Variants in ARPIN observed in about 807,000 individuals in gnomAD.
ARPIN encodes actin related protein 2/3 complex inhibitor, also known as UPF0552 protein C15orf38.
A neutral mutation model predicts 25.9 loss-of-function variants in ARPIN; 23 were observed. That is an observed-to-expected ratio of 0.89 (90% CI 0.64 to 1.26). ARPIN has a LOEUF of 1.26. Ranked by LOEUF, ARPIN falls within the 50% of genes most tolerant of loss-of-function variation. ARPIN has a pLI of 0.00. For synonymous variants in ARPIN, 126 were observed against 131.4 expected (o/e 0.96, Z 0.28); for missense variants, 333 against 312.2 (o/e 1.07, Z -0.50).
At chr15:89,905,554 C>A (rs956136407) in intron 3 of ARPIN, among the ~76,000 whole-genome samples, 1 of 152,100 alleles carries the variant, frequency 6.6e-6, no homozygotes, top group South Asian at 2.1e-4. Flanking sequence ...ACCAGAGTCA[C>A]CGGTGAGCTC....
intron 3 of ARPIN, 83 bp from the exon 4 acceptor site, chr15:89,904,066 T>C (rs1897076844): frequency 6.8e-7 from 1 of 1,476,490 alleles, no homozygotes; most frequent in East Asian, 2.4e-5. Context: ...AGGTGAGGGC[T>C]GAGTGTTTCC....
chr15:89,912,757 CG>C lies in ARPIN; in HGVS notation c.78del (p.Ala27ProfsTer15). ...GCCCAGGCCTACCCCTGGTGGGCGG[CG>C]GGGTCCCAGGCCCCTGGCAGCCGGA... is the stretch of plus-strand genomic sequence containing the variant. ...QSVRLPGAWD[P>X]AAHQGGNGVL... On this transcript the variant is annotated frameshift_variant, in exon 1 of 6. Transcript: ENST00000357484. LOFTEE classifies it high-confidence loss of function. 7.6e-7 allele frequency: 1 copy of C among 1,317,678 alleles called. No individual in the cohort carries two copies. Among genetic ancestry groups the C allele is most frequent in the Non-Finnish European group, 9.8e-7 (1 of 1,019,616 alleles). 81.6% of individuals were successfully genotyped at this position (1,317,678 alleles called of 1,614,324 possible).
At chr15:89,905,344 A>C (rs1897101341) in intron 3 of ARPIN, among the ~76,000 whole-genome samples, 1 of 151,886 alleles carries the variant, frequency 6.6e-6, no homozygotes, top group Admixed American at 6.6e-5. Flanking sequence ...CTGACCACAC[A>C]AAACATCTCC....
chr15:89,912,659 C>CCCCTGG, intron 1 of ARPIN, 85 bp downstream of exon 1: 5 of 1,161,502 alleles, frequency 4.3e-6, no homozygotes, highest in East Asian at 5.8e-5. Flanking sequence ...TTCCCCCACC[C>CCCCTGG]GCATCCCACC....
At chr15:89,904,336 A>G (rs981487616) in intron 3 of ARPIN, among the ~76,000 whole-genome samples, 3 of 152,222 alleles carry the variant, frequency 2.0e-5, no homozygotes, top group African/African-American at 2.4e-5. Context: ...ACCCCTAGGT[A>G]AGCATTCATA....
In ARPIN at chr15:89,897,531, T is replaced by C. The variant is rs1169660012; in HGVS notation, c.*4264A>G. 2 of 152,114 alleles carry C rather than the reference T, an allele frequency of 1.3e-5. No homozygotes were observed. The highest frequency in any genetic ancestry group is 2.9e-5 in the Non-Finnish European group (2 of 68,018). 9.4% of individuals were successfully genotyped at this position (152,114 alleles called of 1,614,324 possible). A position where few individuals can be genotyped will look rare whatever the true frequency, so the allele number is the denominator to read the frequency against. On this transcript the variant is annotated 3_prime_UTR_variant, in exon 6 of 6. Coordinates refer to ENST00000357484, the MANE Select transcript of ARPIN (RefSeq NM_182616.4). ...TGGTTACAAAGACTATGCAGCAATA[T>C]GGAAAGTGATTATGTGTGGGCATAG...
chr15:89,903,632 T>C, intron 4 of ARPIN, 145 bp downstream of exon 4: 4 of 1,397,712 alleles, frequency 2.9e-6, no homozygotes, highest in Non-Finnish European at 3.9e-6. Flanking sequence ...TGTGCAGGGA[T>C]TTAGGAGTAA....
chr15:89,903,504 G>C (rs1474191057), intron 4 of ARPIN, 125 bp from the exon 5 acceptor site: 8 of 1,491,986 alleles, frequency 5.4e-6, no homozygotes, highest in Non-Finnish European at 7.2e-6. Context: ...GCATAGATGT[G>C]GTCAATGAGC....
Position 89,901,708 on chromosome 15 carries a change from C to T in ARPIN, c.*87G>A, listed in dbSNP as rs934781021. On this transcript the variant is annotated 3_prime_UTR_variant, in exon 6 of 6. Coordinates refer to ENST00000357484, the MANE Select transcript of ARPIN (RefSeq NM_182616.4). Reference sequence around the variant, plus strand: ...ACCAGGTAAGACTTGGCAGACTGTTCTCTCCAGCTCCAGAGTAGAAGTTCA... The same window carrying T: ...ACCAGGTAAGACTTGGCAGACTGTTTTCTCCAGCTCCAGAGTAGAAGTTCA... 2 of 1,506,886 alleles carry T rather than the reference C, an allele frequency of 1.3e-6. No individual in the cohort carries two copies. Among genetic ancestry groups the T allele is most frequent in the African/African-American group, 2.8e-5 (2 of 72,628 alleles). 93.3% of individuals were successfully genotyped at this position (1,506,886 alleles called of 1,614,324 possible).
At chr15:89,901,892 C>T (rs1897027437) in intron 5 of ARPIN, 89 bp from the exon 6 acceptor site, 6 of 1,509,420 alleles carry the variant, frequency 4.0e-6, no homozygotes, top group African/African-American at 1.4e-5. Flanking sequence ...GGTTCAATTG[C>T]GTGGTACCTG....
At position 89,910,787 on chromosome 15, in the gene ARPIN, A is replaced by C; in HGVS notation, c.125T>G (p.Ile42Ser). Reference protein sequence around the residue: ...GNGVLLEGELIDVSRHSILDT... With the variant: ...GNGVLLEGELSDVSRHSILDT... ...CAAGATGCTGTGCCGAGATACATCGATCAGTTCTCCCTCCAGCAGGACACC... is the reference window on the plus strand; with the variant it reads ...CAAGATGCTGTGCCGAGATACATCGCTCAGTTCTCCCTCCAGCAGGACACC... The change falls in exon 2 of 6, where the codon ATC (isoleucine) becomes AGC (serine). Residue 42 changes from isoleucine to serine, a missense_variant. Coordinates refer to ENST00000357484, the MANE Select transcript of ARPIN (RefSeq NM_182616.4). 1.9e-6 allele frequency: 3 copies of C among 1,614,174 alleles called. No homozygotes were observed. The highest frequency in any genetic ancestry group is 2.5e-6 in the Non-Finnish European group (3 of 1,180,022).
At chr15:89,911,622 CAA>C (rs1362507262) in intron 1 of ARPIN, among the ~76,000 whole-genome samples, 6 of 152,218 alleles carry the variant, frequency 3.9e-5, no homozygotes, top group African/African-American at 1.4e-4. Context: ...ATTTAACTGA[CAA>C]AAGACTGTAT....
At chr15:89,903,016 C>T (rs1897048348) in intron 5 of ARPIN, 200 bp downstream of exon 5, 1 of 1,455,532 alleles carries the variant, frequency 6.9e-7, no homozygotes, top group African/African-American at 1.4e-5. Flanking sequence ...GAGCCACCTA[C>T]AAGAAAGGTC....
At chr15:89,906,591 G>C (rs771582259) in intron 3 of ARPIN, among the ~76,000 whole-genome samples, 1 of 152,132 alleles carries the variant, frequency 6.6e-6, no homozygotes, top group Non-Finnish European at 1.5e-5. Flanking sequence ...ATACGACTGG[G>C]TCTTGTTCAT....
intron 1 of ARPIN, among the ~76,000 whole-genome samples, chr15:89,911,653 G>C (rs1897225884): frequency 6.6e-6 from 1 of 152,000 alleles, no homozygotes; most frequent in Admixed American, 6.6e-5. Context: ...GGTGCACAAC[G>C]TGATGATTTA....
Position 89,899,083 on chromosome 15 carries a change from CTTTTT to C in ARPIN, c.*2707_*2711del, listed in dbSNP as rs774002777. On this transcript the variant is annotated 3_prime_UTR_variant, in exon 6 of 6. Transcript: ENST00000357484. ...TACCTGCTGAGCCTGGGACCCTATT[CTTTTT>C]TTTTTTTTTTTTTTTGAGACAGGGT... The C allele has an allele frequency of 3.4e-5, 4 of 119,378 alleles. No homozygotes were observed. The highest frequency in any genetic ancestry group is 6.8e-5 in the Non-Finnish European group (4 of 59,120). The allele number at this position is 119,378 out of a possible 1,614,324, so 7.4% of individuals were successfully genotyped here. A position where few individuals can be genotyped will look rare whatever the true frequency, so the allele number is the denominator to read the frequency against.
intron 2 of ARPIN, among the ~76,000 whole-genome samples, chr15:89,910,087 G>A (rs1036091668): frequency 5.9e-5 from 9 of 152,128 alleles, no homozygotes; most frequent in Admixed American, 1.3e-4. Context: ...GCAAAATACC[G>A]CCTGACATGA....
At position 89,899,120 on chromosome 15, in the gene ARPIN, G is replaced by A. The variant is rs1212433950; in HGVS notation, c.*2675C>T. The stretch of plus-strand genomic sequence containing the variant: ...TTTTTTTTTGAGACAGGGTCTCACT[G>A]TGTTGCCCAGGCTGGAGTGCAGTGG... On this transcript the variant is annotated 3_prime_UTR_variant, in exon 6 of 6. Transcript: ENST00000357484. 1 of 132,952 alleles carries A rather than the reference G, an allele frequency of 7.5e-6. No homozygotes were observed. Among genetic ancestry groups the A allele is most frequent in the Non-Finnish European group, 1.5e-5 (1 of 65,068 alleles). 8.2% of individuals were successfully genotyped at this position (132,952 alleles called of 1,614,324 possible).
In ARPIN at chr15:89,910,731, G is replaced by A; in HGVS notation, c.168+13C>T. 6.2e-7 allele frequency: 1 copy of A among 1,614,110 alleles called. No individual in the cohort carries two copies. Among genetic ancestry groups the A allele is most frequent in the South Asian group, 1.1e-5 (1 of 91,086 alleles). On this transcript the variant is annotated intron_variant, in intron 2 of 5. Coordinates refer to ENST00000357484, the MANE Select transcript of ARPIN (RefSeq NM_182616.4). ...TCAGTGCCCTCTAGCTAGCACCGAG[G>A]AAGCATCCTCACCTTCCTGCCATGA... is the stretch of plus-strand genomic sequence containing the variant.
Sources: gnomAD v4.1 joint callset for allele counts (sites outside exome capture counted in the v4.1 genomes callset) on GRCh38, gnomAD v4.1.1 for gene constraint, MANE v1.5 for transcripts, NCBI Gene and HGNC (gene_info 2026-07-23, HGNC 2026-07-21) for gene names.